SPIDR: variants seen among roughly 807,000 people sequenced by gnomAD.
The protein encoded by SPIDR is scaffold protein involved in DNA repair, also known as DNA repair-scaffolding protein.
In SPIDR, 93 loss-of-function variants were observed where a neutral mutation model predicts 104.6. The ratio of observed to expected loss-of-function variants is 0.89; its 90% CI spans 0.75 to 1.06. The LOEUF is 1.06. SPIDR is among the 50% of genes least tolerant of loss of function. The pLI is 0.00. For synonymous variants in SPIDR, 431 were observed against 416.9 expected, an observed-to-expected ratio of 1.03 and a Z score of -0.41; for missense variants, 1,154 against 1,111.2, an observed-to-expected ratio of 1.04 and a Z score of -0.55.
chr8:47,313,319 A>G (rs1348594105), intron 5 of SPIDR, among the ~76,000 whole-genome samples: 5 of 152,202 alleles, frequency 3.3e-5, no homozygotes, highest in African/African-American at 4.8e-5. Flanking sequence ...CAATTGCTTC[A>G]AAGAGAATAA....
At chr8:47,518,038 T>A (rs2083424767) in intron 8 of SPIDR, among the ~76,000 whole-genome samples, 1 of 152,222 alleles carries the variant, frequency 6.6e-6, no homozygotes, top group Non-Finnish European at 1.5e-5. Flanking sequence ...GTAGTTGGAG[T>A]TTTTACTTTA....
intron 5 of SPIDR, 86 bp downstream of exon 5, chr8:47,294,116 C>G: frequency 1.3e-6 from 2 of 1,502,878 alleles, no homozygotes; most frequent in South Asian, 1.4e-5. Context: ...TTTTTTTTTC[C>G]TGTCCTTCCT....
intron 5 of SPIDR, among the ~76,000 whole-genome samples, chr8:47,299,113 ATCC>A (rs1311267043): frequency 6.6e-6 from 1 of 152,040 alleles, no homozygotes; most frequent in Non-Finnish European, 1.5e-5. Context: ...ATTTGTTTGT[ATCC>A]TCTTTTATTT....
intron 10 of SPIDR, among the ~76,000 whole-genome samples, chr8:47,670,444 G>T (rs558991545): frequency 1.3e-5 from 2 of 152,176 alleles, no homozygotes; most frequent in Non-Finnish European, 2.9e-5. Flanking sequence ...GGAAAAATTA[G>T]TTCCCATCTA....
At chr8:47,416,960 C>CT (rs1178509245) in intron 7 of SPIDR, among the ~76,000 whole-genome samples, 9 of 152,204 alleles carry the variant, frequency 5.9e-5, no homozygotes, top group African/African-American at 1.7e-4. Flanking sequence ...TGAACTCATC[C>CT]TTTTTTTATG....
At chr8:47,638,281 CAAG>C in intron 10 of SPIDR, among the ~76,000 whole-genome samples, 2 of 152,134 alleles carry the variant, frequency 1.3e-5, no homozygotes, top group East Asian at 3.9e-4. Context: ...CCAAGAGGTA[CAAG>C]AAGATGAAGG....
intron 10 of SPIDR, among the ~76,000 whole-genome samples, chr8:47,621,391 TG>T (rs1400070290): frequency 6.6e-6 from 1 of 152,244 alleles, no homozygotes; most frequent in Non-Finnish European, 1.5e-5. Context: ...ATGAATCATC[TG>T]GGCATGTCAT....
chr8:47,653,315 C>T (rs1254198856), intron 10 of SPIDR, among the ~76,000 whole-genome samples: 1 of 152,132 alleles, frequency 6.6e-6, no homozygotes, highest in Non-Finnish European at 1.5e-5. Flanking sequence ...GTTACAAATC[C>T]TTGGCCTCTC....
intron 8 of SPIDR, among the ~76,000 whole-genome samples, chr8:47,456,381 G>A (rs1191821330): frequency 6.6e-6 from 1 of 152,150 alleles, no homozygotes; most frequent in African/African-American, 2.4e-5. Flanking sequence ...ATCCAGAAAT[G>A]TGAGACAATA....
chr8:47,642,434 A>G (rs2069275838), intron 10 of SPIDR, among the ~76,000 whole-genome samples: 1 of 151,070 alleles, frequency 6.6e-6, no homozygotes, highest in South Asian at 2.1e-4. Flanking sequence ...AAAAAAAAAG[A>G]AAAAGAATTC....
intron 12 of SPIDR, among the ~76,000 whole-genome samples, chr8:47,700,715 A>G (rs1435137069): frequency 6.6e-6 from 1 of 152,230 alleles, no homozygotes; most frequent in Non-Finnish European, 1.5e-5. Flanking sequence ...TGTGCTGCAC[A>G]GCATTTTCTT....
At chr8:47,417,049 C>T (rs545456142) in intron 7 of SPIDR, among the ~76,000 whole-genome samples, 13 of 152,118 alleles carry the variant, frequency 8.5e-5, no homozygotes, top group African/African-American at 2.9e-4. Context: ...GGGTTGGTTC[C>T]AAGTCTTTGC....
intron 10 of SPIDR, among the ~76,000 whole-genome samples, chr8:47,612,485 T>A (rs977060339): frequency 2.0e-5 from 3 of 152,240 alleles, no homozygotes; most frequent in African/African-American, 7.2e-5. Context: ...TTTCCTGAAA[T>A]GATATATGTT....
chr8:47,496,341 A>G (rs538257647), intron 8 of SPIDR, among the ~76,000 whole-genome samples: 2 of 152,270 alleles, frequency 1.3e-5, no homozygotes, highest in Admixed American at 6.5e-5. Context: ...GCTTTTGTGG[A>G]TGCTGTTTGT....
chr8:47,704,725 A>G (rs140061543), intron 14 of SPIDR, among the ~76,000 whole-genome samples: 39 of 152,270 alleles, frequency 2.6e-4, no homozygotes, highest in Non-Finnish European at 4.7e-4. Flanking sequence ...ATCATTTGAC[A>G]GCTGATCAGT....
intron 5 of SPIDR, among the ~76,000 whole-genome samples, chr8:47,327,713 C>T (rs1477151060): frequency 6.6e-6 from 1 of 152,106 alleles, no homozygotes; most frequent in Non-Finnish European, 1.5e-5. Context: ...CAGGCACGTG[C>T]CACCATGCCT....
intron 8 of SPIDR, among the ~76,000 whole-genome samples, chr8:47,575,524 G>A (rs1587954725): frequency 6.6e-6 from 1 of 151,260 alleles, no homozygotes; most frequent in East Asian, 1.9e-4. Context: ...GTGGGCGCCT[G>A]TAGTCCCAGC....
intron 7 of SPIDR, among the ~76,000 whole-genome samples, chr8:47,430,337 A>G (rs1306840907): frequency 1.3e-5 from 2 of 152,196 alleles, no homozygotes; most frequent in African/African-American, 4.8e-5. Flanking sequence ...CTCCATTTGG[A>G]CATGCCTTAT....
intron 8 of SPIDR, among the ~76,000 whole-genome samples, chr8:47,476,144 T>G (rs1181944752): frequency 6.6e-6 from 1 of 152,168 alleles, no homozygotes; most frequent in Non-Finnish European, 1.5e-5. Context: ...TGTTACAGTG[T>G]CGAAGTGTGA....
Sources: gnomAD v4.1 joint callset for allele counts (sites outside exome capture counted in the v4.1 genomes callset) on GRCh38, gnomAD v4.1.1 for gene constraint, MANE v1.5 for transcripts, NCBI Gene and HGNC (gene_info 2026-07-23, HGNC 2026-07-21) for gene names.